The following GRID2 variants were observed in gnomAD, a reference collection of about 807,000 sequenced individuals.
The protein encoded by GRID2 is glutamate receptor ionotropic, delta-2.
In GRID2, 33 loss-of-function variants were observed where a neutral mutation model predicts 114.8. That is an observed-to-expected ratio of 0.29 (90% CI 0.22 to 0.38). The LOEUF is 0.38. GRID2 is among the 10% of genes least tolerant of loss of function. The pLI is 1.00. For missense variants in GRID2, 1,184 were observed against 1,257.7 expected, an observed-to-expected ratio of 0.94 and a Z score of 0.89; for synonymous variants, 505 against 449.9, an observed-to-expected ratio of 1.12 and a Z score of -1.55.
chr4:92,417,869 G>C (rs766215489), intron 1 of GRID2, among the ~76,000 whole-genome samples: 1 of 152,160 alleles, frequency 6.6e-6, no homozygotes. Context: ...AGTCTCATGC[G>C]ATCTGACGGT....
chr4:92,597,715 C>A (rs1479873396), intron 2 of GRID2, among the ~76,000 whole-genome samples: 5 of 152,154 alleles, frequency 3.3e-5, no homozygotes, highest in African/African-American at 1.2e-4. Flanking sequence ...GATATGGTAA[C>A]ATAATTCACT....
At chr4:93,216,701 T>G (rs901126850) in intron 5 of GRID2, 37 bp from the exon 6 acceptor site, 1 of 1,408,008 alleles carries the variant, frequency 7.1e-7, no homozygotes, top group Admixed American at 1.7e-5. Context: ...GTGACTGTAT[T>G]AAAGTATCTC....
intron 1 of GRID2, among the ~76,000 whole-genome samples, chr4:92,465,305 C>A (rs553469182): frequency 2.6e-5 from 4 of 151,202 alleles, no homozygotes; most frequent in Non-Finnish European, 4.4e-5. Context: ...GCAGAGAGAA[C>A]AAGTACAGAC....
At chr4:92,605,835 C>T (rs1560485185) in intron 2 of GRID2, among the ~76,000 whole-genome samples, 1 of 152,038 alleles carries the variant, frequency 6.6e-6, no homozygotes, top group African/African-American at 2.4e-5. Context: ...CCTAAATCAG[C>T]TTTGGTTCCT....
rs1380995258 is a variant in GRID2 at position 93,258,147 on chromosome 4, A to G, written c.1245+19657A>G. Among the ~76,000 whole-genome samples the G allele has an allele frequency of 2.6e-5, 4 of 151,612 alleles. No homozygotes were observed. The East Asian group carries it at 7.7e-4, about 29-fold the overall frequency. On this transcript the variant is annotated intron_variant, in intron 8 of 15. Transcript: ENST00000282020. ...AATTTTATTCTCATGGAAGCATGTA[A>G]TTCTTGATTAAAAAGATATAGTTTT...
intron 1 of GRID2, among the ~76,000 whole-genome samples, chr4:92,541,654 G>A (rs898366342): frequency 6.6e-6 from 1 of 152,028 alleles, no homozygotes; most frequent in African/African-American, 2.4e-5. Flanking sequence ...TAATTAATAT[G>A]AGTGGTCAAA....
chr4:92,391,942 T>C (rs1386886673), intron 1 of GRID2, among the ~76,000 whole-genome samples: 1 of 152,158 alleles, frequency 6.6e-6, no homozygotes, highest in East Asian at 1.9e-4. Context: ...AAAGGTATTT[T>C]AAAAAATGAC....
At chr4:92,311,994 A>T (rs1424562706) in intron 1 of GRID2, among the ~76,000 whole-genome samples, 1 of 152,180 alleles carries the variant, frequency 6.6e-6, no homozygotes. Context: ...AGGGTGACAA[A>T]GTATGTTTTC....
Position 92,590,275 on chromosome 4 carries a change from C to G in GRID2, c.233C>G (p.Ala78Gly), listed in dbSNP as rs759869521. The change falls in exon 2 of 16, where the codon GCA becomes GGA. Residue 78 changes from alanine to glycine, a missense_variant. Ala to Gly is a moderately conservative substitution (Grantham distance 60, BLOSUM62 0). Around this residue, in one of 3 missense-constraint regions of GRID2, gnomAD observed 455 missense variants for 429.5 expected, o/e 1.06. Coordinates refer to ENST00000282020, the MANE Select transcript of GRID2 (RefSeq NM_001510.4). ...TFVDGNNPFQ[A>G]VQEACELMNQ... The stretch of plus-strand genomic sequence containing the variant: ...GTTGATGGCAACAACCCTTTCCAAG[C>G]AGTTCAAGAAGGTAAGGTCATCAGT... 6.2e-7 allele frequency: 1 copy of G among 1,612,606 alleles called. No homozygotes were observed. The highest frequency in any genetic ancestry group is 8.5e-7 in the Non-Finnish European group (1 of 1,178,960).
At chr4:93,806,868 C>G (rs371070602) in exon 2 of GRID2, 1 of 152,244 alleles carries the variant, frequency 6.6e-6, no homozygotes, top group Non-Finnish European at 1.5e-5. Context: ...CCTGGATGAC[C>G]CATAACCTCT....
At chr4:93,413,785 A>G (rs1767441394) in intron 9 of GRID2, among the ~76,000 whole-genome samples, 1 of 152,186 alleles carries the variant, frequency 6.6e-6, no homozygotes, top group Non-Finnish European at 1.5e-5. Context: ...ATTCTAAGTC[A>G]CAATTATGTA....
chr4:92,907,624 G>A (rs1417654359), intron 2 of GRID2, among the ~76,000 whole-genome samples: 1 of 151,882 alleles, frequency 6.6e-6, no homozygotes, highest in African/African-American at 2.4e-5. Flanking sequence ...TTGTCAGGCT[G>A]GTCTTGAACT....
chr4:92,384,472 ATATATATT>A (rs1444495095), intron 1 of GRID2, among the ~76,000 whole-genome samples: 4 of 58,888 alleles, frequency 6.8e-5, no homozygotes, highest in African/African-American at 3.4e-4. Flanking sequence ...ATATATATAT[ATATATATT>A]ATTTATATAT....
At chr4:92,397,338 TTGTATGTGTGTG>T (rs1405895816) in intron 1 of GRID2, among the ~76,000 whole-genome samples, 2 of 124,188 alleles carry the variant, frequency 1.6e-5, no homozygotes, top group African/African-American at 3.4e-5. Context: ...CTCTGTGTGT[TTGTATGTGTGTG>T]TGTGTGTGTG....
chr4:93,489,784 G>A (rs62310110), intron 11 of GRID2, among the ~76,000 whole-genome samples: 1,748 of 152,020 alleles, frequency 0.011, 10 homozygotes, highest in Middle Eastern at 0.048. Flanking sequence ...CCCTGACATG[G>A]TGTGGACTGG....
intron 14 of GRID2, among the ~76,000 whole-genome samples, chr4:93,728,683 A>G (rs546061331): frequency 1.3e-5 from 2 of 152,184 alleles, no homozygotes; most frequent in East Asian, 3.8e-4. Flanking sequence ...TATTGGGTGC[A>G]TATATATTTA....
chr4:92,354,998 A>G (rs924339642), intron 1 of GRID2, among the ~76,000 whole-genome samples: 7 of 152,096 alleles, frequency 4.6e-5, no homozygotes, highest in Middle Eastern at 6.8e-3. Context: ...AGATCTTTAC[A>G]TGCTGCCTTA....
intron 14 of GRID2, among the ~76,000 whole-genome samples, chr4:93,729,575 T>C (rs910221588): frequency 1.3e-4 from 19 of 151,926 alleles, no homozygotes; most frequent in Non-Finnish European, 4.4e-5. Context: ...AGATGGAGTC[T>C]CACTTTGTTG....
At chr4:92,479,473 A>T (rs1722476255) in intron 1 of GRID2, among the ~76,000 whole-genome samples, 1 of 152,174 alleles carries the variant, frequency 6.6e-6, no homozygotes. Context: ...TTAATCAACA[A>T]ATATGTAGCA....
Sources: allele counts gnomAD v4.1 joint callset (sites outside exome capture counted in the v4.1 genomes callset), GRCh38; gene constraint gnomAD v4.1.1; regional missense constraint gnomAD v4.1.1; transcripts MANE v1.5; gene names NCBI Gene and HGNC (gene_info 2026-07-23, HGNC 2026-07-21).